The following IFT80 variants were observed in gnomAD, a reference collection of about 807,000 sequenced individuals.
IFT80 encodes intraflagellar transport 80.
Under a neutral mutation model 107.9 loss-of-function variants are expected in IFT80, and 79 were observed. The ratio of observed to expected loss-of-function variants is 0.73; its 90% CI spans 0.61 to 0.88. The LOEUF (loss-of-function observed/expected upper bound fraction) is 0.88. Among genes scored for constraint, IFT80 ranks in the 40% least tolerant of loss-of-function variants. The pLI, the probability that IFT80 is intolerant of heterozygous loss-of-function variation, is 0.00. For synonymous variants in IFT80, 299 were observed against 300.9 expected (o/e 0.99, Z 0.07); for missense variants, 797 against 914.2 (o/e 0.87, Z 1.65).
At chr3:160,384,488 G>C in intron 2 of IFT80, 76 bp downstream of exon 2, 2 of 1,363,776 alleles carry the variant, frequency 1.5e-6, no homozygotes, top group Non-Finnish European at 2.0e-6. Context: ...CTTCAACTAG[G>C]ATATAAAATA....
intron 1 of IFT80, among the ~76,000 whole-genome samples, chr3:160,398,046 T>C (rs73875261): frequency 0.017 from 2,611 of 152,324 alleles, 72 homozygotes; most frequent in African/African-American, 0.06. Flanking sequence ...CCCTCAAAGA[T>C]AATCCTTATA....
Position 160,377,513 on chromosome 3 carries a change from C to T in IFT80, c.287G>A (p.Gly96Glu). ...AGCTTCTACACTTTTTTCCACTCTT[C>T]CTAACTTGGAAATCAGATGAAATTT... ...DGKFHLISKL[G>E]RVEKSVEAHC... Residue 96 changes from glycine (G) to glutamate (E), a missense_variant, in exon 4 of 20, where the codon GGA becomes GAA. Transcript: ENST00000326448. The T allele has an allele frequency of 1.2e-6, 2 of 1,605,684 alleles. No individual in the cohort carries two copies. The highest frequency in any genetic ancestry group is 1.7e-6 in the Non-Finnish European group (2 of 1,174,704).
intron 2 of IFT80, 65 bp downstream of exon 2, chr3:160,384,499 G>A (rs938128267): frequency 7.2e-7 from 1 of 1,381,684 alleles, no homozygotes. Flanking sequence ...ATATAAAATA[G>A]AGAAACTTTT....
At chr3:160,279,747 T>C (rs953628633) in intron 15 of IFT80, among the ~76,000 whole-genome samples, 2 of 152,062 alleles carry the variant, frequency 1.3e-5, no homozygotes, top group African/African-American at 2.4e-5. Flanking sequence ...GGTAAAACAA[T>C]AAAAAGTAAA....
chr3:160,311,295 T>G (rs1290699500), intron 9 of IFT80, among the ~76,000 whole-genome samples: 1 of 152,130 alleles, frequency 6.6e-6, no homozygotes, highest in Non-Finnish European at 1.5e-5. Flanking sequence ...TTAAAAAGAC[T>G]TAAGAGACAA....
At chr3:160,331,696 T>C (rs1719099905) in intron 8 of IFT80, among the ~76,000 whole-genome samples, 2 of 152,080 alleles carry the variant, frequency 1.3e-5, no homozygotes, top group South Asian at 4.1e-4. Flanking sequence ...TGTCTTGGTC[T>C]GTCATCCATG....
intron 8 of IFT80, among the ~76,000 whole-genome samples, chr3:160,353,505 A>G (rs557436115): frequency 6.6e-6 from 1 of 152,338 alleles, no homozygotes; most frequent in South Asian, 2.1e-4. Flanking sequence ...TCCTGGTATT[A>G]TGCCATGAAA....
chr3:160,394,849 G>A (rs1290045853), intron 1 of IFT80, among the ~76,000 whole-genome samples: 1 of 152,156 alleles, frequency 6.6e-6, no homozygotes, highest in African/African-American at 2.4e-5. Context: ...GTATACAGCT[G>A]TATTATATGA....
chr3:160,262,966 C>T (rs1420081520), intron 19 of IFT80, among the ~76,000 whole-genome samples: 1 of 152,124 alleles, frequency 6.6e-6, no homozygotes, highest in Non-Finnish European at 1.5e-5. Flanking sequence ...CCTTATTTCT[C>T]CCTTGTCAAT....
At chr3:160,322,117 G>A (rs1481694089) in intron 8 of IFT80, among the ~76,000 whole-genome samples, 1 of 151,518 alleles carries the variant, frequency 6.6e-6, no homozygotes, top group Non-Finnish European at 1.5e-5. Flanking sequence ...CATGTGCCAT[G>A]TTGGTGTGCT....
At chr3:160,376,088 G>A (rs1389584305) in intron 4 of IFT80, among the ~76,000 whole-genome samples, 2 of 152,006 alleles carry the variant, frequency 1.3e-5, no homozygotes, top group African/African-American at 2.4e-5. Context: ...TAGAAATTAC[G>A]TTGAAACGAT....
chr3:160,275,761 C>T lies in IFT80; in HGVS notation c.2099+1545G>A, dbSNP rs1380094047. On this transcript the variant is annotated intron_variant, in intron 18 of 19. Coordinates refer to ENST00000326448, the MANE Select transcript of IFT80 (RefSeq NM_020800.3). ...AAAGAATGCTATAAACACAATTCTT[C>T]CCCATTTCTCTATTAGCTGGGTAAT... Among the ~76,000 whole-genome samples, 4 of 152,092 alleles carry T rather than the reference C, an allele frequency of 2.6e-5. No individual in the cohort carries two copies. The South Asian group carries it at 6.2e-4, about 24-fold the overall frequency.
intron 11 of IFT80, 151 bp from the exon 12 acceptor site, chr3:160,301,197 C>A: frequency 1.3e-6 from 1 of 780,714 alleles, no homozygotes; most frequent in Non-Finnish European, 1.9e-6. Flanking sequence ...ACATTTTAAA[C>A]ACTGAAAGCC....
chr3:160,310,996 A>G (rs1576788886), intron 9 of IFT80, among the ~76,000 whole-genome samples: 1 of 152,094 alleles, frequency 6.6e-6, no homozygotes, highest in East Asian at 1.9e-4. Flanking sequence ...GTGGTGGCAG[A>G]CACCTGTGGT....
intron 6 of IFT80, among the ~76,000 whole-genome samples, chr3:160,360,207 A>G (rs1351061243): frequency 2.0e-5 from 3 of 152,262 alleles, no homozygotes; most frequent in Non-Finnish European, 2.9e-5. Flanking sequence ...TACTTGACAC[A>G]TGCACAAGCT....
intron 12 of IFT80, among the ~76,000 whole-genome samples, chr3:160,290,424 A>G (rs547947395): frequency 1.3e-5 from 2 of 150,310 alleles, no homozygotes; most frequent in East Asian, 1.9e-4. Context: ...AAAAAAAAAA[A>G]GAAAAAAAAA....
chr3:160,365,941 C>A (rs1414049417), intron 6 of IFT80, 102 bp downstream of exon 6: 6 of 824,544 alleles, frequency 7.3e-6, no homozygotes, highest in Admixed American at 3.5e-5. Flanking sequence ...AAAGACCAGA[C>A]TGTAAAAAGA....
intron 9 of IFT80, among the ~76,000 whole-genome samples, chr3:160,311,707 G>A (rs561389342): frequency 3.9e-5 from 6 of 152,262 alleles, no homozygotes; most frequent in East Asian, 1.9e-4. Flanking sequence ...GATATGCAGC[G>A]CATCAAAGAA....
chr3:160,359,395 G>C (rs770891047), intron 6 of IFT80, among the ~76,000 whole-genome samples: 29 of 152,144 alleles, frequency 1.9e-4, no homozygotes, highest in Non-Finnish European at 3.7e-4. Context: ...GGCTGAATAG[G>C]AATAGCTCTG....
Sources: gnomAD v4.1 joint callset for allele counts (sites outside exome capture counted in the v4.1 genomes callset) on GRCh38, gnomAD v4.1.1 for gene constraint, MANE v1.5 for transcripts, NCBI Gene and HGNC (gene_info 2026-07-23, HGNC 2026-07-21) for gene names.